The following SPATA31D1 variants were observed in gnomAD, a reference collection of about 807,000 sequenced individuals.
SPATA31D1 encodes SPATA31 subfamily D member 1.
A neutral mutation model predicts 13.2 loss-of-function variants in SPATA31D1; 6 were observed. The observed-to-expected ratio is 0.46, with a 90% CI of 0.25 to 0.90. SPATA31D1 has a LOEUF of 0.90. Among genes scored for constraint, SPATA31D1 ranks in the 40% least tolerant of loss-of-function variants. The pLI is 0.18. For missense variants in SPATA31D1, 2,445 were observed against 1,884.7 expected (o/e 1.30, Z -5.50); for synonymous variants, 903 against 718.8 (o/e 1.26, Z -4.10).
At position 81,991,871 on chromosome 9, in the gene SPATA31D1, C is replaced by A. The variant is rs373549075; in HGVS notation, c.1401C>A (p.Ser467=). The change falls in exon 4 of 4, where the codon TCC becomes TCA. Residue 467 remains serine, a synonymous_variant. Coordinates refer to ENST00000344803, the MANE Select transcript of SPATA31D1 (RefSeq NM_001001670.3). ...CTGTTAAGCATGACTTGGCAGAATCCTTTCCTTTTTGGGCCAGTAAAGGCA... is the reference window on the plus strand; with the variant it reads ...CTGTTAAGCATGACTTGGCAGAATCATTTCCTTTTTGGGCCAGTAAAGGCA... ...SIAVKHDLAE[S]FPFWASKGKL... The A allele has an allele frequency of 1.9e-6, 3 of 1,613,630 alleles. No homozygotes were observed. The highest frequency in any genetic ancestry group is 2.7e-5 in the African/African-American group (2 of 74,908).
rs746805574 is a variant in SPATA31D1, at chr9:81,994,146, T to G, written c.3676T>G (p.Ser1226Ala). Residue 1226 changes from serine (S) to alanine (A), a missense_variant, in exon 4 of 4, where the codon TCT becomes GCT. Physicochemically the swap from Ser to Ala is moderately conservative, Grantham distance 99 (BLOSUM62 1). Transcript: ENST00000344803. ...SQPQSHFTDM[S>A]FALDNLSSKD... Reference sequence around the variant, plus strand: ...ACCTCAGAGCCATTTCACTGACATGTCTTTTGCCTTAGATAACTTGAGTTC... The same window carrying G: ...ACCTCAGAGCCATTTCACTGACATGGCTTTTGCCTTAGATAACTTGAGTTC... 21 of 1,613,876 alleles carry G rather than the reference T, an allele frequency of 1.3e-5. No individual in the cohort carries two copies. The highest frequency in any genetic ancestry group is 1.7e-5 in the Non-Finnish European group (20 of 1,179,882).
In SPATA31D1 at chr9:81,994,431, C is replaced by A. The variant is rs763860009; in HGVS notation, c.3961C>A (p.Leu1321Ile). The change falls in exon 4 of 4, where the codon CTC becomes ATC. Residue 1321 changes from leucine to isoleucine, a missense_variant. Transcript: ENST00000344803. The part of the protein sequence containing the change: ...LGTSQRRRKS[L>I]PVHNKTSGEV... Reference sequence around the variant, plus strand: ...GACATCCCAACGCAGGAGAAAGAGCCTCCCTGTTCATAACAAGACATCAGG... The same window carrying A: ...GACATCCCAACGCAGGAGAAAGAGCATCCCTGTTCATAACAAGACATCAGG... The A allele has an allele frequency of 6.2e-7, 1 of 1,613,728 alleles. No homozygotes were observed. Among genetic ancestry groups the A allele is most frequent in the South Asian group, 1.1e-5 (1 of 91,034 alleles).
In SPATA31D1 at chr9:81,988,923, G is replaced by C; in HGVS notation, c.105G>C (p.Leu35Phe). 1 of 1,612,542 alleles carries C rather than the reference G, an allele frequency of 6.2e-7. No individual in the cohort carries two copies. The highest frequency in any genetic ancestry group is 1.3e-5 in the African/African-American group (1 of 74,988). Reference protein sequence around the residue: ...IDPNFICLSGLGLFILYLFYV... With the variant: ...IDPNFICLSGFGLFILYLFYV... ...CCAACTTCATCTGCTTGAGTGGGTT[G>C]GGGTTGTTTATACTGTACTTGTTCT... The change falls in exon 1 of 4, where the codon TTG becomes TTC. Residue 35 changes from leucine (L) to phenylalanine (F), a missense_variant. Leu to Phe is a conservative substitution (Grantham distance 22). Transcript: ENST00000344803.
chr9:81,990,976 C>T lies in SPATA31D1; in HGVS notation c.506C>T (p.Ser169Leu), dbSNP rs374198563. The T allele has an allele frequency of 1.8e-5, 29 of 1,613,818 alleles. No homozygotes were observed. Among genetic ancestry groups the T allele is most frequent in the East Asian group, 2.2e-5 (1 of 44,866 alleles). ...TCTTCGGCTTCTGCGACTGAGTCAT[C>T]GTTCACTCTGGCTTCCACCCCCTCA... Reference protein sequence around the residue: ...LASSASATESSFTLASTPSAT... With the variant: ...LASSASATESLFTLASTPSAT... Residue 169 changes from serine to leucine, a missense_variant, in exon 4 of 4, where the codon TCG becomes TTG. By Grantham distance (145) the Ser-to-Leu change is moderately radical. Coordinates refer to ENST00000344803, the MANE Select transcript of SPATA31D1 (RefSeq NM_001001670.3).
Position 81,990,471 on chromosome 9 carries a change from T to C in SPATA31D1, c.287T>C (p.Leu96Pro), listed in dbSNP as rs760797255. The change falls in exon 3 of 4, where the codon CTT becomes CCT. Residue 96 changes from leucine (L) to proline (P), a missense_variant. By Grantham distance (98) the Leu-to-Pro change is moderately conservative (BLOSUM62 -3). Coordinates refer to ENST00000344803, the MANE Select transcript of SPATA31D1 (RefSeq NM_001001670.3). ...QREEEEERKLLSLLKSFGPPV... is the reference protein window; with the variant it reads ...QREEEEERKLPSLLKSFGPPV... ...GAAGAGGAAGAGGAAAGGAAGCTGC[T>C]TTCTCTTCTGAAAAGGTGATTAATC... 1 of 1,607,040 alleles carries C rather than the reference T, an allele frequency of 6.2e-7. No homozygotes were observed. Among genetic ancestry groups the C allele is most frequent in the Admixed American group, 1.7e-5 (1 of 59,182 alleles).
In SPATA31D1 at chr9:81,991,380, T is replaced by C. The variant is rs1824957083; in HGVS notation, c.910T>C (p.Leu304=). The change falls in exon 4 of 4, where the codon TTA becomes CTA. Residue 304 remains leucine, a synonymous_variant. Coordinates refer to ENST00000344803, the MANE Select transcript of SPATA31D1 (RefSeq NM_001001670.3). ...RHHGPPIPSA[L]PPEDCTVTQS... ...TCACGGACCACCAATCCCATCTGCT[T>C]TACCACCGGAAGATTGCACTGTGAC... 1 of 1,614,002 alleles carries C rather than the reference T, an allele frequency of 6.2e-7. No homozygotes were observed.
At chr9:81,989,039 C>T (rs777618411) in intron 1 of SPATA31D1, 35 bp downstream of exon 1, 2 of 1,604,642 alleles carry the variant, frequency 1.2e-6, no homozygotes, top group East Asian at 2.2e-5. Context: ...AAGAGAGATG[C>T]CCTGTTGTTG....
intron 2 of SPATA31D1, 122 bp downstream of exon 2, chr9:81,989,945 T>C: frequency 1.8e-6 from 2 of 1,132,354 alleles, no homozygotes; most frequent in South Asian, 3.1e-5. Flanking sequence ...AACAGAGCCC[T>C]CAGAAGACAG....
In SPATA31D1 at chr9:81,994,800, A is replaced by C. The variant is rs1011960519; in HGVS notation, c.4330A>C (p.Asn1444His). Residue 1444 changes from asparagine to histidine, a missense_variant, in exon 4 of 4, where the codon AAC (asparagine) becomes CAC (histidine). By Grantham distance (68) the Asn-to-His change is moderately conservative. Coordinates refer to ENST00000344803, the MANE Select transcript of SPATA31D1 (RefSeq NM_001001670.3). ...FPVGLGKAQH[N>H]PEVHVRAEPV... ...AGTGGGGCTTGGGAAAGCTCAGCACAACCCAGAAGTGCATGTCAGAGCAGA... is the reference window on the plus strand; with the variant it reads ...AGTGGGGCTTGGGAAAGCTCAGCACCACCCAGAAGTGCATGTCAGAGCAGA... The C allele has an allele frequency of 9.3e-6, 15 of 1,613,994 alleles. No homozygotes were observed. The highest frequency in any genetic ancestry group is 1.3e-5 in the Non-Finnish European group (15 of 1,179,884).
upstream of SPATA31D1, chr9:81,988,768 C>A (rs1824895881): frequency 3.1e-6 from 5 of 1,611,188 alleles, no homozygotes; most frequent in African/African-American, 6.7e-5. Flanking sequence ...TATAGTTAAG[C>A]CTGGGCACCC....
At chr9:81,989,041 CTGTTGT>C in intron 1 of SPATA31D1, 37 bp downstream of exon 1, 1 of 1,603,390 alleles carries the variant, frequency 6.2e-7, no homozygotes, top group Middle Eastern at 2.3e-4. Context: ...GAGAGATGCC[CTGTTGT>C]TGTTTCCCAA....
chr9:81,989,669 A>G, intron 1 of SPATA31D1, 109 bp from the exon 2 acceptor site: 6 of 1,165,974 alleles, frequency 5.1e-6, no homozygotes, highest in Non-Finnish European at 7.4e-6. Flanking sequence ...TTAATTAAAG[A>G]GTAATATTCT....
rs756346242 is a variant in SPATA31D1, at chr9:81,992,336, C to T, written c.1866C>T (p.Asn622=). The stretch of plus-strand genomic sequence containing the variant: ...GGTCTCTTTTGCCATCTGAAATTAA[C>T]CATCTGGAGTGGAACGTGTTGCAGA... ...EARSLLPSEI[N]HLEWNVLQKV... is the part of the protein sequence containing the mutation. The change falls in exon 4 of 4, where the codon AAC becomes AAT. Residue 622 remains asparagine, a synonymous_variant. Transcript: ENST00000344803. The T allele has an allele frequency of 2.2e-5, 35 of 1,613,750 alleles. No individual in the cohort carries two copies. The highest frequency in any genetic ancestry group is 1.2e-4 in the South Asian group (11 of 91,076).
In SPATA31D1 at chr9:81,991,812, C is replaced by A. The variant is rs181562191; in HGVS notation, c.1342C>A (p.Leu448Ile). Residue 448 changes from leucine (L) to isoleucine (I), a missense_variant, in exon 4 of 4, where the codon CTA becomes ATA. Coordinates refer to ENST00000344803, the MANE Select transcript of SPATA31D1 (RefSeq NM_001001670.3). ...FPKQLRPNYQ[L>I]NSSRNMLTSI... ...AAAACAACTTAGGCCAAACTACCAACTAAATTCCTCACGGAATATGTTAAC... is the reference window on the plus strand; with the variant it reads ...AAAACAACTTAGGCCAAACTACCAAATAAATTCCTCACGGAATATGTTAAC... 3 of 1,613,688 alleles carry A rather than the reference C, an allele frequency of 1.9e-6. No homozygotes were observed. Among genetic ancestry groups the A allele is most frequent in the Non-Finnish European group, 2.5e-6 (3 of 1,179,724 alleles).
chr9:81,988,190 T>C (rs1824887423), upstream of SPATA31D1, among the ~76,000 whole-genome samples: 1 of 152,184 alleles, frequency 6.6e-6, no homozygotes, highest in Non-Finnish European at 1.5e-5. Flanking sequence ...AAAACCCAAA[T>C]TGGGCAGTGA....
rs764094298 is a variant in SPATA31D1, at chr9:81,993,333, G to A, written c.2863G>A (p.Asp955Asn). ...PSSATFISQGDSKDGVSKSRS... is the reference protein window; with the variant it reads ...PSSATFISQGNSKDGVSKSRS... ...CTCAGCCACCTTCATCTCTCAGGGA[G>A]ATTCCAAAGATGGGGTCTCTAAGTC... is the stretch of plus-strand genomic sequence containing the variant. The change falls in exon 4 of 4, where the codon GAT (aspartate) becomes AAT (asparagine). Residue 955 changes from aspartate (D) to asparagine (N), a missense_variant. Coordinates refer to ENST00000344803, the MANE Select transcript of SPATA31D1 (RefSeq NM_001001670.3). 1.9e-6 allele frequency: 3 copies of A among 1,613,926 alleles called. No individual in the cohort carries two copies. The highest frequency in any genetic ancestry group is 2.5e-6 in the Non-Finnish European group (3 of 1,179,894).
chr9:81,992,113 C>A lies in SPATA31D1; in HGVS notation c.1643C>A (p.Pro548His). The A allele has an allele frequency of 6.2e-7, 1 of 1,613,706 alleles. No individual in the cohort carries two copies. Among genetic ancestry groups the A allele is most frequent in the Non-Finnish European group, 8.5e-7 (1 of 1,179,704 alleles). The stretch of plus-strand genomic sequence containing the variant: ...ATATCCCATGAATCCCCAGTACTTC[C>A]CCCTCCCCAACCTCTGTCCTTGCCT... ...TSISHESPVL[P>H]PPQPLSLPST... The change falls in exon 4 of 4, where the codon CCC becomes CAC. Residue 548 changes from proline to histidine, a missense_variant. Transcript: ENST00000344803.
Position 81,990,627 on chromosome 9 carries a change from T to C in SPATA31D1, c.302+141T>C, listed in dbSNP as rs1337139215. ...AGGAATGGGTATGTGAATGAATGTGTTGGGGAGAGGCTATAGTGAGGTCAT... is the reference window on the plus strand; with the variant it reads ...AGGAATGGGTATGTGAATGAATGTGCTGGGGAGAGGCTATAGTGAGGTCAT... On this transcript the variant is annotated intron_variant, in intron 3 of 3. Coordinates refer to ENST00000344803, the MANE Select transcript of SPATA31D1 (RefSeq NM_001001670.3). The C allele has an allele frequency of 3.8e-6, 5 of 1,328,070 alleles. No individual in the cohort carries two copies. The Admixed American group carries it at 6.8e-5, about 18-fold the overall frequency. 82.3% of individuals were successfully genotyped at this position (1,328,070 alleles called of 1,614,324 possible).
At position 81,993,500 on chromosome 9, in the gene SPATA31D1, T is replaced by C. The variant is rs1342427527; in HGVS notation, c.3030T>C (p.His1010=). ...GAAGACAATTTTCTGATACTGACCA[T>C]GACCTTATAGAGACAGATTCCAAAG... ...TLRRQFSDTD[H]DLIETDSKDG... The change falls in exon 4 of 4, where the codon CAT becomes CAC. Residue 1010 remains histidine (H), a synonymous_variant. Coordinates refer to ENST00000344803, the MANE Select transcript of SPATA31D1 (RefSeq NM_001001670.3). 1 of 1,613,954 alleles carries C rather than the reference T, an allele frequency of 6.2e-7. No homozygotes were observed. Among genetic ancestry groups the C allele is most frequent in the Non-Finnish European group, 8.5e-7 (1 of 1,179,900 alleles).
Sources: allele counts gnomAD v4.1 joint callset (sites outside exome capture counted in the v4.1 genomes callset), GRCh38; gene constraint gnomAD v4.1.1; transcripts MANE v1.5; gene names NCBI Gene and HGNC (gene_info 2026-07-23, HGNC 2026-07-21).